CCDC186: variants seen among roughly 807,000 people sequenced by gnomAD.
CCDC186 encodes the protein coiled-coil domain containing 186.
Under a neutral mutation model 113.7 loss-of-function variants are expected in CCDC186, and 49 were observed. The ratio of observed to expected loss-of-function variants is 0.43; its 90% CI spans 0.34 to 0.55. CCDC186 has a LOEUF of 0.55. Ranked by LOEUF, CCDC186 falls within the 20% of genes least tolerant of loss-of-function variation. The pLI is 0.02. For synonymous variants in CCDC186, 355 were observed against 345.8 expected, an observed-to-expected ratio of 1.03 and a Z score of -0.30; for missense variants, 890 against 1,011.1, an observed-to-expected ratio of 0.88 and a Z score of 1.62.
intron 1 of CCDC186, among the ~76,000 whole-genome samples, chr10:114,168,829 T>C (rs1370728282): frequency 6.6e-6 from 1 of 152,232 alleles, no homozygotes; most frequent in South Asian, 2.1e-4. Context: ...CCTCTATCTG[T>C]GCAGCAGGCA....
rs148420344 is a variant in CCDC186 at position 114,148,261 on chromosome 10, G to T, written c.889-2500C>A. 2.0e-5 allele frequency among the ~76,000 whole-genome samples: 3 copies of T among 152,288 alleles called. No individual in the cohort carries two copies. In the East Asian group the frequency reaches 5.8e-4, roughly 29 times the overall value. ...GAATAACCTGGGGTGCTTGTTAAAAGTTCACACTCCTGGATCCTGCCCCAT... is the reference window on the plus strand; with the variant it reads ...GAATAACCTGGGGTGCTTGTTAAAATTTCACACTCCTGGATCCTGCCCCAT... On this transcript the variant is annotated intron_variant, in intron 4 of 15. Transcript: ENST00000369287.
chr10:114,157,488 G>A (rs551737159), intron 3 of CCDC186, 66 bp downstream of exon 3: 17 of 1,434,760 alleles, frequency 1.2e-5, no homozygotes, highest in East Asian at 4.9e-5. Flanking sequence ...TGCCACAATC[G>A]GCTGCCAGGA....
At position 114,144,510 on chromosome 10, in the gene CCDC186, A is replaced by G. The variant is rs1314650025; in HGVS notation, c.1208T>C (p.Met403Thr). Residue 403 changes from methionine (M) to threonine (T), a missense_variant, in exon 6 of 16, where the codon ATG becomes ACG. Transcript: ENST00000369287. ...TACAGTACGTACCTTGTGTGAATCC[A>G]TTTCAGCTTTTAATTTGTTTTGTGC... ...KWAQNKLKAEMDSHKETKDKL... is the reference protein window; with the variant it reads ...KWAQNKLKAETDSHKETKDKL... The G allele has an allele frequency of 6.2e-7, 1 of 1,613,102 alleles. No individual in the cohort carries two copies. The highest frequency in any genetic ancestry group is 1.3e-5 in the African/African-American group (1 of 74,880).
intron 10 of CCDC186, among the ~76,000 whole-genome samples, chr10:114,133,234 T>C (rs1440273049): frequency 6.6e-6 from 1 of 152,162 alleles, no homozygotes; most frequent in Non-Finnish European, 1.5e-5. Flanking sequence ...TGACAGATGT[T>C]ACAGACTTAG....
chr10:114,156,108 C>T (rs912044213), intron 3 of CCDC186, among the ~76,000 whole-genome samples: 3 of 152,188 alleles, frequency 2.0e-5, no homozygotes, highest in Admixed American at 1.3e-4. Flanking sequence ...CCTGTTAAGA[C>T]TCCCTCACAC....
chr10:114,126,533 T>G (rs1312375150), intron 14 of CCDC186, among the ~76,000 whole-genome samples: 1 of 152,182 alleles, frequency 6.6e-6, no homozygotes, highest in Non-Finnish European at 1.5e-5. Context: ...ATTTTTTTTT[T>G]GAGATGGGGT....
chr10:114,121,671 T>G lies in CCDC186; in HGVS notation c.*3472A>C, dbSNP rs1031167118. 1 of 152,124 alleles carries G rather than the reference T, an allele frequency of 6.6e-6. No homozygotes were observed. Among genetic ancestry groups the G allele is most frequent in the African/African-American group, 2.4e-5 (1 of 41,420 alleles). The allele number at this position is 152,124 out of a possible 1,614,324, so 9.4% of individuals were successfully genotyped here. On this transcript the variant is annotated 3_prime_UTR_variant, in exon 16 of 16. Transcript: ENST00000369287. ...TTTCAGCGTACCTTTGCAAGGATGT[T>G]CCAAAGCCTCATGTACGAGTGAGAT...
At position 114,126,116 on chromosome 10, in the gene CCDC186, A is replaced by T; in HGVS notation, c.2394-11T>A. 1 of 1,604,784 alleles carries T rather than the reference A, an allele frequency of 6.2e-7. No homozygotes were observed. Among genetic ancestry groups the T allele is most frequent in the Admixed American group, 1.7e-5 (1 of 59,936 alleles). On this transcript the variant is annotated splice_polypyrimidine_tract_variant and intron_variant, in intron 14 of 15. Transcript: ENST00000369287. Reference sequence around the variant, plus strand: ...TAACTTTGAATTATTCTGCAAAACAAAATGATAGTATCAGTTGTGTACTTG... The same window carrying T: ...TAACTTTGAATTATTCTGCAAAACATAATGATAGTATCAGTTGTGTACTTG...
At chr10:114,150,273 T>C (rs2031806041) in intron 4 of CCDC186, among the ~76,000 whole-genome samples, 1 of 152,278 alleles carries the variant, frequency 6.6e-6, no homozygotes, top group East Asian at 1.9e-4. Context: ...AAAGACGTCA[T>C]CCATAAAGAG....
intron 1 of CCDC186, among the ~76,000 whole-genome samples, chr10:114,166,290 C>T (rs965037517): frequency 2.0e-5 from 3 of 152,180 alleles, no homozygotes; most frequent in Non-Finnish European, 4.4e-5. Flanking sequence ...CTCAAAGATT[C>T]CCCCAACTTG....
intron 4 of CCDC186, among the ~76,000 whole-genome samples, chr10:114,148,451 C>A (rs2031714082): frequency 6.6e-6 from 1 of 152,172 alleles, no homozygotes; most frequent in African/African-American, 2.4e-5. Flanking sequence ...AGATGATTAT[C>A]ATTGACTTGG....
chr10:114,135,832 G>A, intron 9 of CCDC186, 59 bp downstream of exon 9: 1 of 1,310,950 alleles, frequency 7.6e-7, no homozygotes, highest in South Asian at 1.3e-5. Flanking sequence ...AAATCAGAAT[G>A]AATTCAAAAT....
At position 114,163,358 on chromosome 10, in the gene CCDC186, A is replaced by G. The variant is rs1233164427; in HGVS notation, c.-61-29T>C. 7 of 1,508,576 alleles carry G rather than the reference A, an allele frequency of 4.6e-6. No individual in the cohort carries two copies. In the South Asian group the frequency reaches 9.3e-5, roughly 20 times the overall value. The allele number at this position is 1,508,576 out of a possible 1,614,324, so 93.4% of individuals were successfully genotyped here. On this transcript the variant is annotated intron_variant, in intron 1 of 15. Coordinates refer to ENST00000369287, the MANE Select transcript of CCDC186 (RefSeq NM_018017.4). ...AGAAATTGAAACATCAAAATTAAAA[A>G]CCACTTTAAACCAAAACCCCATACA...
At chr10:114,163,984 C>A (rs1484726928) in intron 1 of CCDC186, among the ~76,000 whole-genome samples, 1 of 148,950 alleles carries the variant, frequency 6.7e-6, no homozygotes, top group Non-Finnish European at 1.5e-5. Context: ...AGGAAAAAAA[C>A]AATGTCCAGT....
Position 114,127,419 on chromosome 10 carries a change from C to T in CCDC186, c.2393+42G>A, listed in dbSNP as rs185180437. 1.5e-4 allele frequency: 233 copies of T among 1,555,888 alleles called. 1 individual carries two copies. In the African/African-American group the frequency reaches 2.7e-3, roughly 18 times the overall value. ...AACAGTAACTTTGCTATATGAGTAACGGTATTTTGAAGACCGATCATGCTA... is the reference window on the plus strand; with the variant it reads ...AACAGTAACTTTGCTATATGAGTAATGGTATTTTGAAGACCGATCATGCTA... On this transcript the variant is annotated intron_variant, in intron 14 of 15. Coordinates refer to ENST00000369287, the MANE Select transcript of CCDC186 (RefSeq NM_018017.4).
chr10:114,152,044 T>C (rs909757750), intron 3 of CCDC186, among the ~76,000 whole-genome samples: 2 of 152,154 alleles, frequency 1.3e-5, no homozygotes, highest in African/African-American at 4.8e-5. Context: ...ATAAGTACTT[T>C]GTTAAGACGG....
chr10:114,161,282 C>A (rs913404912), intron 2 of CCDC186, among the ~76,000 whole-genome samples: 2 of 152,198 alleles, frequency 1.3e-5, no homozygotes, highest in African/African-American at 4.8e-5. Flanking sequence ...TACTTTTTCT[C>A]TCTCTGCGCT....
At chr10:114,136,901 G>A (rs144288291) in intron 7 of CCDC186, among the ~76,000 whole-genome samples, 1,910 of 151,982 alleles carry the variant, frequency 0.013, 103 homozygotes, top group Admixed American at 0.1. Flanking sequence ...GGTGGCTCCC[G>A]AAGTCAGGAG....
chr10:114,172,097 T>C (rs1378039929), intron 1 of CCDC186, among the ~76,000 whole-genome samples: 1 of 152,086 alleles, frequency 6.6e-6, no homozygotes, highest in Non-Finnish European at 1.5e-5. Context: ...TTTAGTTATT[T>C]TAAGGTAGAG....
Sources: gnomAD v4.1 joint callset for allele counts (sites outside exome capture counted in the v4.1 genomes callset) on GRCh38, gnomAD v4.1.1 for gene constraint, MANE v1.5 for transcripts, NCBI Gene and HGNC (gene_info 2026-07-23, HGNC 2026-07-21) for gene names.